The following CCNH variants were observed in gnomAD, a reference collection of about 807,000 sequenced individuals.
CCNH encodes cyclin H, also known as cyclin-H.
A neutral mutation model predicts 41.9 loss-of-function variants in CCNH; 31 were observed. The ratio of observed to expected loss-of-function variants is 0.74; its 90% confidence interval spans 0.56 to 1.00. The LOEUF is 1.00. Ranked by LOEUF, CCNH falls within the 50% of genes least tolerant of loss-of-function variation. The pLI is 0.00. For missense variants in CCNH, 362 were observed against 388.4 expected, an observed-to-expected ratio of 0.93 and a Z score of 0.57; for synonymous variants, 138 against 136.1, an observed-to-expected ratio of 1.01 and a Z score of -0.10.
chr5:87,352,138 T>A (rs1759320289), intron 9 of CCNH, among the ~76,000 whole-genome samples: 1 of 151,736 alleles, frequency 6.6e-6, no homozygotes, highest in African/African-American at 2.4e-5. Context: ...ATTTATCTCA[T>A]TTTCACCACA....
At chr5:87,358,851 A>G (rs986188084) in intron 9 of CCNH, among the ~76,000 whole-genome samples, 12 of 152,148 alleles carry the variant, frequency 7.9e-5, no homozygotes, top group African/African-American at 2.9e-4. Context: ...TCTTTGCTGT[A>G]GCTGTTCACT....
At chr5:87,385,258 C>A in intron 9 of CCNH, 1 of 1,204,796 alleles carries the variant, frequency 8.3e-7, no homozygotes, top group Non-Finnish European at 1.2e-6. Flanking sequence ...GCTGGAAGTG[C>A]TGTTGGACTT....
chr5:87,360,501 A>G (rs1760006390), intron 9 of CCNH, among the ~76,000 whole-genome samples: 1 of 152,198 alleles, frequency 6.6e-6, no homozygotes, highest in Non-Finnish European at 1.5e-5. Flanking sequence ...ATTTTTGTTT[A>G]GATTTTAAAA....
chr5:87,333,133 C>T (rs1462166218), intron 9 of CCNH: 5 of 1,347,068 alleles, frequency 3.7e-6, no homozygotes, highest in Non-Finnish European at 5.0e-6. Context: ...ATTTATAGTC[C>T]AAGTAAAAAT....
At chr5:87,390,902 T>G, downstream of CCNH, 1 of 1,586,782 alleles carries the variant, frequency 6.3e-7, no homozygotes, top group East Asian at 2.2e-5. Context: ...GCCCCAGTGT[T>G]CTGCATGGAT....
chr5:87,349,101 G>A, intron 9 of CCNH: 2 of 1,288,432 alleles, frequency 1.6e-6, no homozygotes, highest in Non-Finnish European at 2.2e-6. Context: ...ACAAGTTCCT[G>A]GTGAAAATTT....
chr5:87,362,363 G>A (rs1380050402), intron 9 of CCNH, among the ~76,000 whole-genome samples: 13 of 152,034 alleles, frequency 8.6e-5, no homozygotes, highest in Admixed American at 6.6e-5. Flanking sequence ...CTTTGTTGTC[G>A]GTGTTCTTCG....
chr5:87,392,428 A>G, downstream of CCNH: 1 of 446,500 alleles, frequency 2.2e-6, no homozygotes, highest in Non-Finnish European at 4.5e-6. Flanking sequence ...CCTTGAAATC[A>G]GCTCAATTCA....
upstream of CCNH, among the ~76,000 whole-genome samples, chr5:87,379,222 A>G (rs1192998617): frequency 6.6e-6 from 1 of 152,160 alleles, no homozygotes; most frequent in Non-Finnish European, 1.5e-5. Context: ...TTAATGTTGG[A>G]AATGTGGGGT....
the CCNH span, among the ~76,000 whole-genome samples, chr5:87,311,682 C>T: frequency 2.6e-5 from 4 of 152,152 alleles, no homozygotes; most frequent in African/African-American, 9.7e-5. Flanking sequence ...GGAGAACTCA[C>T]CTGAGTCTTG....
chr5:87,348,440 T>C (rs1473426708), intron 9 of CCNH, among the ~76,000 whole-genome samples: 1 of 152,022 alleles, frequency 6.6e-6, no homozygotes, highest in Non-Finnish European at 1.5e-5. Flanking sequence ...ATCAAAGATA[T>C]CAGAAATACT....
intron 9 of CCNH, chr5:87,383,732 C>T: frequency 6.2e-7 from 1 of 1,607,514 alleles, no homozygotes; most frequent in Non-Finnish European, 8.5e-7. Context: ...TTTTCTTCGA[C>T]TCATCTGTCC....
At chr5:87,403,696 C>A (rs868402133) in intron 5 of CCNH, among the ~76,000 whole-genome samples, 1 of 152,076 alleles carries the variant, frequency 6.6e-6, no homozygotes, top group Non-Finnish European at 1.5e-5. Context: ...GTAGGAGGAT[C>A]GCTTGAGGCT....
downstream of CCNH, chr5:87,375,037 A>G: frequency 7.6e-7 from 1 of 1,307,938 alleles, no homozygotes; most frequent in Non-Finnish European, 1.0e-6. Flanking sequence ...ATAATTTGAG[A>G]TAGTTTCTTT....
chr5:87,389,473 C>T (rs748539441), downstream of CCNH: 3 of 1,614,148 alleles, frequency 1.9e-6, no homozygotes, highest in South Asian at 1.1e-5. Flanking sequence ...ATGAGATTTG[C>T]GTGGCTCATT....
At chr5:87,376,362 T>A in exon 1 of CCNH, 1 of 1,611,838 alleles carries the variant, frequency 6.2e-7, no homozygotes, top group Non-Finnish European at 8.5e-7. Context: ...GTTCTCTTTT[T>A]AAACAATAAT....
chr5:87,322,055 T>C (rs1304760041), intron 9 of CCNH, among the ~76,000 whole-genome samples: 3 of 152,108 alleles, frequency 2.0e-5, no homozygotes, highest in Non-Finnish European at 1.5e-5. Flanking sequence ...CCTCCATTGT[T>C]GGAAGTGGGG....
At chr5:87,397,989 T>C (rs1180001445) in intron 7 of CCNH, among the ~76,000 whole-genome samples, 1 of 152,230 alleles carries the variant, frequency 6.6e-6, no homozygotes, top group Non-Finnish European at 1.5e-5. Flanking sequence ...GCCTGGTAGG[T>C]AACAGTTTGC....
chr5:87,397,594 GA>G (rs1763069328), intron 7 of CCNH, among the ~76,000 whole-genome samples: 1 of 152,048 alleles, frequency 6.6e-6, no homozygotes, highest in South Asian at 2.1e-4. Flanking sequence ...TACATCTAGT[GA>G]TTTTTTTTTA....
Sources: allele counts gnomAD v4.1 joint callset (sites outside exome capture counted in the v4.1 genomes callset), GRCh38; gene constraint gnomAD v4.1.1; transcripts MANE v1.5; gene names NCBI Gene and HGNC (gene_info 2026-07-23, HGNC 2026-07-21).